The following RTL4 variants were observed in gnomAD, a reference collection of about 807,000 sequenced individuals.
RTL4 encodes retrotransposon Gag-like protein 4.
A neutral mutation model predicts 5.3 loss-of-function variants in RTL4; 4 were observed. That is an observed-to-expected ratio of 0.75 (90% CI 0.37 to 1.72). RTL4 has a LOEUF of 1.72. RTL4 is among the 40% of genes most tolerant of loss of function. RTL4 has a pLI of 0.04. For missense variants in RTL4, 260 were observed against 227.1 expected (o/e 1.14, Z -0.93); for synonymous variants, 98 against 87.3 (o/e 1.12, Z -0.68).
chrX:112,127,113 G>A, the RTL4 span, among the ~76,000 whole-genome samples: 1 of 111,439 alleles, frequency 9.0e-6, no homozygotes. Context: ...TATATCATAA[G>A]AAAATAAAAC....
chrX:112,295,158 T>G, the RTL4 span, among the ~76,000 whole-genome samples: 1 of 112,200 alleles, frequency 8.9e-6, no homozygotes, highest in Non-Finnish European at 1.9e-5. Context: ...GTGGATAACT[T>G]TATTGCTTCT....
chrX:112,302,442 A>G, the RTL4 span, among the ~76,000 whole-genome samples: 4 of 111,518 alleles, frequency 3.6e-5, no homozygotes, highest in Non-Finnish European at 7.5e-5. Context: ...TTACAGATTT[A>G]GGCGGTAAAT....
chrX:112,161,701 ATT>A, the RTL4 span, among the ~76,000 whole-genome samples: 2 of 110,884 alleles, frequency 1.8e-5, no homozygotes, highest in Middle Eastern at 4.7e-3. Flanking sequence ...TTGATCACCT[ATT>A]ATGTGCCATG....
At chrX:112,353,014 T>C in the RTL4 span, among the ~76,000 whole-genome samples, 5,234 of 111,300 alleles carry the variant, frequency 0.047, 349 homozygotes, top group African/African-American at 0.16. Context: ...CATCAAAAAG[T>C]GGGCAAAGGA....
chrX:112,230,978 C>G, the RTL4 span, among the ~76,000 whole-genome samples: 1 of 111,450 alleles, frequency 9.0e-6, no homozygotes, highest in African/African-American at 3.3e-5. Context: ...AAAAAATGCT[C>G]ATCATCACTG....
the RTL4 span, among the ~76,000 whole-genome samples, chrX:112,095,054 AGAG>A: frequency 9.0e-6 from 1 of 111,196 alleles, no homozygotes; most frequent in Non-Finnish European, 1.9e-5. Context: ...GTAGAAAAGG[AGAG>A]GAGAAGGAAA....
the RTL4 span, among the ~76,000 whole-genome samples, chrX:112,391,373 G>A: frequency 9.0e-6 from 1 of 111,276 alleles, no homozygotes; most frequent in Admixed American, 9.6e-5. Flanking sequence ...GTCGTTTGGA[G>A]GACATACAAC....
At chrX:112,418,041 G>A in the RTL4 span, among the ~76,000 whole-genome samples, 2 of 110,865 alleles carry the variant, frequency 1.8e-5, no homozygotes, top group African/African-American at 6.6e-5. Context: ...CTAGCTACTC[G>A]GGAGGCTGAG....
At chrX:112,192,261 C>T in the RTL4 span, among the ~76,000 whole-genome samples, 1 of 109,522 alleles carries the variant, frequency 9.1e-6, no homozygotes, top group Non-Finnish European at 1.9e-5. Flanking sequence ...TCTTTCCTTG[C>T]CTAATTGTCC....
the RTL4 span, among the ~76,000 whole-genome samples, chrX:112,422,721 A>C: frequency 9.0e-6 from 1 of 110,965 alleles, no homozygotes; most frequent in Non-Finnish European, 1.9e-5. Flanking sequence ...TAAACTCTTA[A>C]GAGTCTAGAT....
chrX:112,231,021 G>A, the RTL4 span, among the ~76,000 whole-genome samples: 1 of 110,552 alleles, frequency 9.0e-6, no homozygotes, highest in Non-Finnish European at 1.9e-5. Flanking sequence ...AAACCACAAT[G>A]AGATACCATC....
At chrX:112,361,220 G>A in the RTL4 span, among the ~76,000 whole-genome samples, 6 of 110,974 alleles carry the variant, frequency 5.4e-5, no homozygotes, top group Admixed American at 1.9e-4. Flanking sequence ...ATTACAATTG[G>A]GGAAAAAGGA....
the RTL4 span, among the ~76,000 whole-genome samples, chrX:112,105,966 C>G: frequency 8.9e-6 from 1 of 111,820 alleles, no homozygotes; most frequent in Admixed American, 9.5e-5. Flanking sequence ...CCTGATCTTA[C>G]AGAAAAAGTT....
chrX:112,155,113 G>A, the RTL4 span, among the ~76,000 whole-genome samples: 73 of 110,356 alleles, frequency 6.6e-4, no homozygotes, highest in Admixed American at 4.8e-3. Context: ...TTGGTGCCTC[G>A]ATCTTAGACT....
At chrX:112,327,682 G>A in the RTL4 span, among the ~76,000 whole-genome samples, 1 of 109,947 alleles carries the variant, frequency 9.1e-6, no homozygotes, top group Non-Finnish European at 1.9e-5. Context: ...CTCGAGAAGA[G>A]GAACTCCAAG....
chrX:112,206,514 G>C, the RTL4 span, among the ~76,000 whole-genome samples: 1 of 111,221 alleles, frequency 9.0e-6, no homozygotes, highest in Non-Finnish European at 1.9e-5. Flanking sequence ...ATGACACCAT[G>C]CTCTCCTGGT....
chrX:112,316,612 C>G, the RTL4 span, among the ~76,000 whole-genome samples: 1 of 112,036 alleles, frequency 8.9e-6, no homozygotes, highest in East Asian at 2.8e-4. Flanking sequence ...TCATCTTGAA[C>G]TATTAAACGT....
At chrX:112,290,392 G>A in the RTL4 span, among the ~76,000 whole-genome samples, 12 of 111,842 alleles carry the variant, frequency 1.1e-4, no homozygotes, top group South Asian at 3.7e-4. Context: ...TTTAAAAAAC[G>A]AGGAAAGGCA....
At chrX:112,131,051 G>A in the RTL4 span, among the ~76,000 whole-genome samples, 1 of 108,198 alleles carries the variant, frequency 9.2e-6, no homozygotes, top group Non-Finnish European at 1.9e-5. Context: ...CACCTGCCTC[G>A]GCCTCCCAAA....
Sources: allele counts gnomAD v4.1 joint callset (sites outside exome capture counted in the v4.1 genomes callset), GRCh38; gene constraint gnomAD v4.1.1; transcripts MANE v1.5; gene names NCBI Gene and HGNC (gene_info 2026-07-23, HGNC 2026-07-21).